AQP4: variants seen among roughly 807,000 people sequenced by gnomAD.
The protein encoded by AQP4 is aquaporin 4.
In AQP4, 18 loss-of-function variants were observed where a neutral mutation model predicts 27.8. That is an observed-to-expected ratio of 0.65 (90% CI 0.45 to 0.96). The LOEUF is 0.96. Among genes scored for constraint, AQP4 ranks in the 40% least tolerant of loss-of-function variants. The probability of loss-of-function intolerance (pLI) is 0.00; values close to 1 mark genes in which losing one functional copy is unlikely to be tolerated. For synonymous variants in AQP4, 141 were observed against 142.9 expected, an observed-to-expected ratio of 0.99 and a Z score of 0.10; for missense variants, 412 against 408.2, an observed-to-expected ratio of 1.01 and a Z score of -0.08.
intron 2 of AQP4, among the ~76,000 whole-genome samples, chr18:26,861,778 A>G (rs2054949893): frequency 6.6e-6 from 1 of 152,162 alleles, no homozygotes; most frequent in South Asian, 2.1e-4. Flanking sequence ...TCGGATGTCT[A>G]TTTTTTTAAG....
At chr18:26,856,587 G>T in intron 4 of AQP4, 98 bp from the exon 5 acceptor site, 1 of 1,392,796 alleles carries the variant, frequency 7.2e-7, no homozygotes. Context: ...AATTAAGAGT[G>T]TATTTGTGTC....
chr18:26,862,573 C>A lies in AQP4; in HGVS notation c.56G>T (p.Arg19Ile), dbSNP rs150587304. The change falls in exon 2 of 5, where the codon AGA becomes ATA. Residue 19 changes from arginine to isoleucine, a missense_variant. Transcript: ENST00000383168. ...TTTGAAAGCCACCATGATGTTCTCT[C>A]TGGTACACAAAGGTCCACACTTACT... ...RWGKCGPLCT[R>I]ENIMVAFKGV... The A allele has an allele frequency of 2.2e-5, 36 of 1,613,948 alleles. No individual in the cohort carries two copies. The African/African-American group carries it at 4.4e-4, about 20-fold the overall frequency.
rs1426264501 is a variant in AQP4, at chr18:26,853,669, G to A, written c.*2542C>T. On this transcript the variant is annotated 3_prime_UTR_variant, in exon 5 of 5. Coordinates refer to ENST00000383168, the MANE Select transcript of AQP4 (RefSeq NM_001650.7). ...TAATAAGAAGGGATTAAAGAAAAAA[G>A]CCCCAGTCTCCTAATACACTTGGAT... is the stretch of plus-strand genomic sequence containing the variant. 6.6e-6 allele frequency: 1 copy of A among 152,574 alleles called. No homozygotes were observed. The highest frequency in any genetic ancestry group is 2.4e-5 in the African/African-American group (1 of 41,440). The allele number at this position is 152,574 out of a possible 1,614,324, so 9.5% of individuals were successfully genotyped here.
Position 26,854,959 on chromosome 18 carries a change from A to G in AQP4, c.*1252T>C, listed in dbSNP as rs1352511583. 1 of 152,236 alleles carries G rather than the reference A, an allele frequency of 6.6e-6. No homozygotes were observed. The highest frequency in any genetic ancestry group is 1.5e-5 in the Non-Finnish European group (1 of 68,048). The allele number at this position is 152,236 out of a possible 1,614,324, so 9.4% of individuals were successfully genotyped here. On this transcript the variant is annotated 3_prime_UTR_variant, in exon 5 of 5. Coordinates refer to ENST00000383168, the MANE Select transcript of AQP4 (RefSeq NM_001650.7). Reference sequence around the variant, plus strand: ...AGTTTAAAAATGTGTTGGGTTAGCTACAATATATCCAGAAATGAAAGATTG... The same window carrying G: ...AGTTTAAAAATGTGTTGGGTTAGCTGCAATATATCCAGAAATGAAAGATTG...
At chr18:26,858,227 C>T (rs981451637) in intron 4 of AQP4, among the ~76,000 whole-genome samples, 2 of 151,852 alleles carry the variant, frequency 1.3e-5, no homozygotes, top group Non-Finnish European at 1.5e-5. Context: ...GAGCCATGAT[C>T]GTGACACTCT....
rs183763353 is a variant in AQP4, at chr18:26,855,350, G to C, written c.*861C>G. 6.6e-6 allele frequency: 1 copy of C among 152,318 alleles called. No individual in the cohort carries two copies. The highest frequency in any genetic ancestry group is 6.5e-5 in the Admixed American group (1 of 15,302). 9.4% of individuals were successfully genotyped at this position (152,318 alleles called of 1,614,324 possible). On this transcript the variant is annotated 3_prime_UTR_variant, in exon 5 of 5. Transcript: ENST00000383168. ...AAGTGGTAAAGGGGTTAAAAGCTTA[G>C]ATCGTAAAACTGGTGTGGTGCATTT...
intron 4 of AQP4, among the ~76,000 whole-genome samples, chr18:26,859,650 C>T (rs964564697): frequency 6.6e-6 from 1 of 152,142 alleles, no homozygotes; most frequent in Non-Finnish European, 1.5e-5. Context: ...GCATTTTTGG[C>T]TAAGTCTTGG....
chr18:26,859,395 C>T (rs1329034492), intron 4 of AQP4, among the ~76,000 whole-genome samples: 1 of 152,154 alleles, frequency 6.6e-6, no homozygotes, highest in Non-Finnish European at 1.5e-5. Context: ...GTGGCATGCA[C>T]CTGTAATCCC....
At chr18:26,865,391 AG>A (rs1469950830) in intron 1 of AQP4, 4 of 574,888 alleles carry the variant, frequency 7.0e-6, no homozygotes, top group Non-Finnish European at 1.2e-5. Flanking sequence ...AATGTACTAT[AG>A]CTAGATTCAC....
In AQP4 at chr18:26,852,473, G is replaced by T. The variant is rs572116150; in HGVS notation, c.*3738C>A. 19 of 187,924 alleles carry T rather than the reference G, an allele frequency of 1.0e-4. No individual in the cohort carries two copies. In the East Asian group the frequency reaches 2.3e-3, roughly 22 times the overall value. 11.6% of individuals were successfully genotyped at this position (187,924 alleles called of 1,614,324 possible). A position where few individuals can be genotyped will look rare whatever the true frequency, so the allele number is the denominator to read the frequency against. ...CACACTGTAACTGCTCTTAAATTTA[G>T]TGTTCATTGCACATAACATTTTTTG... is the stretch of plus-strand genomic sequence containing the variant. On this transcript the variant is annotated 3_prime_UTR_variant, in exon 5 of 5. Coordinates refer to ENST00000383168, the MANE Select transcript of AQP4 (RefSeq NM_001650.7).
In AQP4 at chr18:26,853,158, A is replaced by G. The variant is rs1379225807; in HGVS notation, c.*3053T>C. 5.8e-6 allele frequency: 2 copies of G among 346,264 alleles called. No homozygotes were observed. Among genetic ancestry groups the G allele is most frequent in the Non-Finnish European group, 1.0e-5 (2 of 193,524 alleles). The allele number at this position is 346,264 out of a possible 1,614,324, so 21.4% of individuals were successfully genotyped here. On this transcript the variant is annotated 3_prime_UTR_variant, in exon 5 of 5. Coordinates refer to ENST00000383168, the MANE Select transcript of AQP4 (RefSeq NM_001650.7). ...TCTCCTTGTAAAGTCTTCAATACTGAGCAGCAGCTCTAGCTAGCACCTATG... is the reference window on the plus strand; with the variant it reads ...TCTCCTTGTAAAGTCTTCAATACTGGGCAGCAGCTCTAGCTAGCACCTATG...
In AQP4 at chr18:26,856,053, G is replaced by A. The variant is rs1598509182; in HGVS notation, c.*158C>T. The A allele has an allele frequency of 1.1e-6, 1 of 916,500 alleles. No individual in the cohort carries two copies. The highest frequency in any genetic ancestry group is 2.5e-5 in the East Asian group (1 of 39,564). 56.8% of individuals were successfully genotyped at this position (916,500 alleles called of 1,614,324 possible). A position where few individuals can be genotyped will look rare whatever the true frequency, so the allele number is the denominator to read the frequency against. ...AATAGGTTTCTTCCGTTCCTCCTTT[G>A]TAAATTATGAAATATTTATTGTTTA... On this transcript the variant is annotated 3_prime_UTR_variant, in exon 5 of 5. Coordinates refer to ENST00000383168, the MANE Select transcript of AQP4 (RefSeq NM_001650.7).
At chr18:26,862,721 C>T in intron 1 of AQP4, 125 bp from the exon 2 acceptor site, 1 of 1,258,784 alleles carries the variant, frequency 7.9e-7, no homozygotes, top group South Asian at 1.2e-5. Flanking sequence ...ATTTGCACAC[C>T]AAGAAAGAAT....
At position 26,856,313 on chromosome 18, in the gene AQP4, A is replaced by G. The variant is rs1308747630; in HGVS notation, c.870T>C (p.Asp290=). 1.2e-6 allele frequency: 2 copies of G among 1,614,186 alleles called. No homozygotes were observed. Among genetic ancestry groups the G allele is most frequent in the Non-Finnish European group, 8.5e-7 (1 of 1,180,030 alleles). ...VEDNRSQVET[D]DLILKPGVVH... ...CCACTCCAGGTTTTAGAATCAGGTC[A>G]TCCGTCTCTACCTGACTCCTGTTGT... Residue 290 remains aspartate (D), a synonymous_variant, in exon 5 of 5, where the codon GAT becomes GAC. Transcript: ENST00000383168.
At chr18:26,858,769 TAAAC>T (rs2054887796) in intron 4 of AQP4, among the ~76,000 whole-genome samples, 1 of 152,184 alleles carries the variant, frequency 6.6e-6, no homozygotes, top group African/African-American at 2.4e-5. Context: ...TTCTCAAAAA[TAAAC>T]AAATCTCAGT....
In AQP4 at chr18:26,864,013, C is replaced by T. The variant is rs180680480; in HGVS notation, c.33-1417G>A. ...CCCTTTTGGGGGGGGGGGGCAATTA[C>T]CCCAGTTACCCTATCATCTAAGACT... On this transcript the variant is annotated intron_variant, in intron 1 of 4. Transcript: ENST00000383168. Among the ~76,000 whole-genome samples, 34 of 151,932 alleles carry T rather than the reference C, an allele frequency of 2.2e-4. No individual in the cohort carries two copies. In the East Asian group the frequency reaches 5.6e-3, roughly 25 times the overall value.
At position 26,855,676 on chromosome 18, in the gene AQP4, A is replaced by G. The variant is rs1391783540; in HGVS notation, c.*535T>C. On this transcript the variant is annotated 3_prime_UTR_variant, in exon 5 of 5. Coordinates refer to ENST00000383168, the MANE Select transcript of AQP4 (RefSeq NM_001650.7). ...AAATGGAAGGAAGTAACTGATGAGCAGTGACACTTGCTAATGCTCTTTTGC... is the reference window on the plus strand; with the variant it reads ...AAATGGAAGGAAGTAACTGATGAGCGGTGACACTTGCTAATGCTCTTTTGC... The G allele has an allele frequency of 6.3e-6, 1 of 157,516 alleles. No homozygotes were observed. Among genetic ancestry groups the G allele is most frequent in the African/African-American group, 2.4e-5 (1 of 41,486 alleles). The allele number at this position is 157,516 out of a possible 1,614,324, so 9.8% of individuals were successfully genotyped here. A position where few individuals can be genotyped will look rare whatever the true frequency, so the allele number is the denominator to read the frequency against.
In AQP4 at chr18:26,862,497, G is replaced by C; in HGVS notation, c.132C>G (p.Ala44=). The change falls in exon 2 of 5, where the codon GCC becomes GCG. Residue 44 remains alanine, a synonymous_variant. Transcript: ENST00000383168. The part of the protein sequence containing the change: ...FWKAVTAEFL[A]MLIFVLLSLG... ...GGCTGAGGAGAACAAAAATAAGCAT[G>C]GCCAGAAATTCCGCTGTGACTGCTT... 1 of 1,614,184 alleles carries C rather than the reference G, an allele frequency of 6.2e-7. No homozygotes were observed. Among genetic ancestry groups the C allele is most frequent in the Non-Finnish European group, 8.5e-7 (1 of 1,180,036 alleles).
Position 26,861,184 on chromosome 18 carries a change from C to T in AQP4, c.559G>A (p.Gly187Ser). ...AATCCAATTGCTAAAGCTATTGAGCCAGTGACATCAGTCCGTTTGGAATCA... is the reference window on the plus strand; with the variant it reads ...AATCCAATTGCTAAAGCTATTGAGCTAGTGACATCAGTCCGTTTGGAATCA... ...SCDSKRTDVT[G>S]SIALAIGFSV... Residue 187 changes from glycine (G) to serine (S), a missense_variant, in exon 3 of 5, where the codon GGC becomes AGC. By Grantham distance (56) the Gly-to-Ser change is moderately conservative. Transcript: ENST00000383168. 6.2e-7 allele frequency: 1 copy of T among 1,614,070 alleles called. No individual in the cohort carries two copies.
Sources: allele counts gnomAD v4.1 joint callset (sites outside exome capture counted in the v4.1 genomes callset), GRCh38; gene constraint gnomAD v4.1.1; transcripts MANE v1.5; gene names NCBI Gene and HGNC (gene_info 2026-07-23, HGNC 2026-07-21).